Variants in PPARGC1A observed in about 807,000 individuals in gnomAD.
PPARGC1A encodes peroxisome proliferator-activated receptor gamma coactivator 1-alpha.
Under a neutral mutation model 88.7 loss-of-function variants are expected in PPARGC1A, and 25 were observed. That is an observed-to-expected ratio of 0.28 (90% CI 0.21 to 0.39). The LOEUF is 0.39. Among genes scored for constraint, PPARGC1A ranks in the 10% least tolerant of loss-of-function variants. The pLI is 1.00. For synonymous variants in PPARGC1A, 363 were observed against 355.6 expected, an observed-to-expected ratio of 1.02 and a Z score of -0.24; for missense variants, 880 against 968.7, an observed-to-expected ratio of 0.91 and a Z score of 1.22.
At chr4:24,426,921 C>T in the PPARGC1A span, among the ~76,000 whole-genome samples, 10 of 152,166 alleles carry the variant, frequency 6.6e-5, no homozygotes, top group Admixed American at 3.9e-4. Context: ...AACAGAGACT[C>T]GGGTACATTT....
At chr4:23,869,040 C>T (rs1172550006) in intron 2 of PPARGC1A, among the ~76,000 whole-genome samples, 1 of 152,176 alleles carries the variant, frequency 6.6e-6, no homozygotes, top group Non-Finnish European at 1.5e-5. Flanking sequence ...GCCTTGCACA[C>T]AGCCTGGAAT....
the PPARGC1A span, among the ~76,000 whole-genome samples, chr4:24,449,188 G>GC: frequency 7.9e-5 from 12 of 152,050 alleles, no homozygotes; most frequent in Non-Finnish European, 1.6e-4. Flanking sequence ...CAATTTTCTA[G>GC]CCCCTCACTC....
intron 2 of PPARGC1A, among the ~76,000 whole-genome samples, chr4:23,840,072 C>T (rs1266815205): frequency 6.6e-6 from 1 of 152,064 alleles, no homozygotes; most frequent in Non-Finnish European, 1.5e-5. Flanking sequence ...ACGAAGTGAT[C>T]CTGATGCAAC....
At chr4:24,330,128 A>T in the PPARGC1A span, among the ~76,000 whole-genome samples, 1 of 152,208 alleles carries the variant, frequency 6.6e-6, no homozygotes, top group African/African-American at 2.4e-5. Flanking sequence ...TCCATAAAAT[A>T]GTGCAGTGTA....
chr4:24,156,206 G>C, the PPARGC1A span, among the ~76,000 whole-genome samples: 1 of 152,082 alleles, frequency 6.6e-6, no homozygotes, highest in Non-Finnish European at 1.5e-5. Context: ...TATGTATTTT[G>C]GGATATATAA....
chr4:24,122,455 A>AGG, the PPARGC1A span, among the ~76,000 whole-genome samples: 1 of 150,282 alleles, frequency 6.7e-6, no homozygotes, highest in Non-Finnish European at 1.5e-5. Context: ...AGAGAGAGAG[A>AGG]GAGAGATCTA....
At chr4:24,097,534 G>GTT in the PPARGC1A span, among the ~76,000 whole-genome samples, 1 of 151,660 alleles carries the variant, frequency 6.6e-6, no homozygotes, top group South Asian at 2.1e-4. Context: ...TTTTTAGGTG[G>GTT]TTTTTTTTCA....
At chr4:24,030,752 A>C in the PPARGC1A span, among the ~76,000 whole-genome samples, 1 of 152,232 alleles carries the variant, frequency 6.6e-6, no homozygotes, top group African/African-American at 2.4e-5. Context: ...TCTCTCTCAT[A>C]TCTCTCTTTC....
At chr4:24,386,421 G>A in the PPARGC1A span, among the ~76,000 whole-genome samples, 6 of 152,114 alleles carry the variant, frequency 3.9e-5, no homozygotes, top group African/African-American at 9.7e-5. Flanking sequence ...GAAATAAAGG[G>A]TATTCAAATA....
intron 2 of PPARGC1A, chr4:23,875,939 T>A (rs1714607962): frequency 6.6e-6 from 1 of 152,214 alleles, no homozygotes; most frequent in Non-Finnish European, 1.5e-5. Context: ...CAGTTTTGGT[T>A]TTTCTATGTG....
chr4:23,815,435 C>CAACATAA (rs1721806359), intron 7 of PPARGC1A, among the ~76,000 whole-genome samples: 1 of 152,050 alleles, frequency 6.6e-6, no homozygotes, highest in Admixed American at 6.5e-5. Context: ...ATATAGAGCA[C>CAACATAA]AACATAAGGG....
chr4:23,910,240 T>TATATAAATATATATAAATATATA, the PPARGC1A span, among the ~76,000 whole-genome samples: 1 of 107,016 alleles, frequency 9.3e-6, no homozygotes, highest in Non-Finnish European at 1.8e-5. Flanking sequence ...ATATATAATA[T>TATATAAATATATATAAATATATA]ATATAAATAT....
chr4:24,039,657 A>T, the PPARGC1A span, among the ~76,000 whole-genome samples: 2 of 152,166 alleles, frequency 1.3e-5, no homozygotes, highest in African/African-American at 4.8e-5. Flanking sequence ...AACCTCAGTG[A>T]TGCACAAGCT....
the PPARGC1A span, among the ~76,000 whole-genome samples, chr4:24,201,361 A>G: frequency 6.6e-6 from 1 of 152,234 alleles, no homozygotes; most frequent in Non-Finnish European, 1.5e-5. Context: ...CCCCACTAAC[A>G]CAAACACTTT....
chr4:24,414,557 C>T, the PPARGC1A span, among the ~76,000 whole-genome samples: 8 of 152,240 alleles, frequency 5.3e-5, no homozygotes, highest in African/African-American at 7.2e-5. Flanking sequence ...TCCCCAGTCT[C>T]GACAATCCAA....
chr4:24,369,389 A>G, the PPARGC1A span, among the ~76,000 whole-genome samples: 1 of 152,194 alleles, frequency 6.6e-6, no homozygotes, highest in African/African-American at 2.4e-5. Flanking sequence ...GAGTTGGAGG[A>G]ATGGCATCCG....
the PPARGC1A span, among the ~76,000 whole-genome samples, chr4:24,130,348 A>G: frequency 2.6e-5 from 4 of 152,292 alleles, 1 homozygote; most frequent in South Asian, 8.3e-4. Context: ...TAGAAAGTGG[A>G]GAAGTCAAGT....
At chr4:23,857,305 C>T (rs573686903) in intron 2 of PPARGC1A, among the ~76,000 whole-genome samples, 22 of 149,644 alleles carry the variant, frequency 1.5e-4, no homozygotes, top group African/African-American at 5.1e-4. Context: ...ATGGAGGACT[C>T]GCCTTTGGCA....
chr4:24,259,669 G>A, the PPARGC1A span, among the ~76,000 whole-genome samples: 1 of 152,116 alleles, frequency 6.6e-6, no homozygotes, highest in Admixed American at 6.6e-5. Context: ...TATATACAGG[G>A]AATTTTTTTA....
Sources: allele counts gnomAD v4.1 joint callset (sites outside exome capture counted in the v4.1 genomes callset), GRCh38; gene constraint gnomAD v4.1.1; transcripts MANE v1.5; gene names NCBI Gene and HGNC (gene_info 2026-07-23, HGNC 2026-07-21).